The following HSF5 variants were observed in gnomAD, a reference collection of about 807,000 sequenced individuals.
The protein encoded by HSF5 is heat shock transcription factor 5.
Under a neutral mutation model 50.8 loss-of-function variants are expected in HSF5, and 5 were observed. That is an observed-to-expected ratio of 0.10 (90% confidence interval 0.05 to 0.21). The LOEUF is 0.21. Among genes scored for constraint, HSF5 ranks in the 10% least tolerant of loss-of-function variants. The pLI, the probability that HSF5 is intolerant of heterozygous loss-of-function variation, is 1.00. For synonymous variants in HSF5, 307 were observed against 307.4 expected (o/e 1.00, Z 0.02); for missense variants, 564 against 762.6 (o/e 0.74, Z 3.07).
chr17:58,451,388 T>G (rs1223090020), intron 5 of HSF5, among the ~76,000 whole-genome samples: 1 of 152,186 alleles, frequency 6.6e-6, no homozygotes, highest in African/African-American at 2.4e-5. Flanking sequence ...AGAATATATG[T>G]TCTTCTCAAC....
At chr17:58,430,373 G>C (rs186460945) in intron 5 of HSF5, among the ~76,000 whole-genome samples, 12 of 152,170 alleles carry the variant, frequency 7.9e-5, no homozygotes, top group Admixed American at 2.0e-4. Context: ...TACCTGGCCT[G>C]GTAAAGCATT....
Position 58,421,970 on chromosome 17 carries a change from T to A in HSF5, c.*390A>T, listed in dbSNP as rs575583682. On this transcript the variant is annotated 3_prime_UTR_variant, in exon 6 of 6. Transcript: ENST00000323777. ...TGTGACTTGAATCAGAGAGACTGAA[T>A]TCCCCACTAAAGTTGTGCTGACTAC... is the stretch of plus-strand genomic sequence containing the variant. 1.8e-5 allele frequency: 3 copies of A among 164,146 alleles called. No homozygotes were observed. The highest frequency in any genetic ancestry group is 4.0e-5 in the Non-Finnish European group (3 of 74,848). The allele number at this position is 164,146 out of a possible 1,614,324, so 10.2% of individuals were successfully genotyped here. A position where few individuals can be genotyped will look rare whatever the true frequency, so the allele number is the denominator to read the frequency against.
Position 58,485,370 on chromosome 17 carries a change from T to A in HSF5, c.550+2355A>T, listed in dbSNP as rs1975155526. 2.0e-5 allele frequency among the ~76,000 whole-genome samples: 3 copies of A among 152,310 alleles called. No individual in the cohort carries two copies. In the South Asian group the frequency reaches 6.2e-4, roughly 32 times the overall value. The stretch of plus-strand genomic sequence containing the variant: ...CCCTGTTGGTTTCTTGGTATACTGC[T>A]TCATATCATGGACTCTTTAAACAGA... On this transcript the variant is annotated intron_variant, in intron 1 of 5. Transcript: ENST00000323777.
chr17:58,444,712 G>GA (rs1974536944), intron 5 of HSF5, among the ~76,000 whole-genome samples: 2 of 152,108 alleles, frequency 1.3e-5, no homozygotes, highest in East Asian at 1.9e-4. Flanking sequence ...ACAAGGAAAA[G>GA]AAAAAACAGC....
intron 5 of HSF5, among the ~76,000 whole-genome samples, chr17:58,447,932 T>G (rs1317277775): frequency 6.6e-6 from 1 of 152,248 alleles, no homozygotes; most frequent in Admixed American, 6.5e-5. Flanking sequence ...GCAGATCACA[T>G]GAGCCCAGGA....
Position 58,480,180 on chromosome 17 carries a change from T to G in HSF5, c.638A>C (p.His213Pro), listed in dbSNP as rs753017972. The G allele has an allele frequency of 1.2e-5, 20 of 1,614,076 alleles. No homozygotes were observed. The highest frequency in any genetic ancestry group is 1.6e-5 in the Non-Finnish European group (19 of 1,180,046). Residue 213 changes from histidine to proline, a missense_variant, in exon 2 of 6, where the codon CAC becomes CCC. His to Pro is a moderately conservative substitution (Grantham distance 77, BLOSUM62 -2). This residue lies in a region of HSF5 where 441 missense variants were observed against 533.6 expected (regional missense o/e 0.83). Coordinates refer to ENST00000323777, the MANE Select transcript of HSF5 (RefSeq NM_001080439.3). ...YSCVSTPSHD[H>P]STYPLKGLDR... ...TAAACCTTTCAGAGGGTAAGTACTG[T>G]GGTCGTGGGATGGAGTTGATACACA...
chr17:58,435,355 C>A lies in HSF5; in HGVS notation c.1721-12925G>T, dbSNP rs183933158. Among the ~76,000 whole-genome samples, 556 of 151,164 alleles carry A rather than the reference C, an allele frequency of 3.7e-3. 3 individuals are homozygous for A. Among genetic ancestry groups the A allele is most frequent in the Non-Finnish European group, 5.2e-3 (355 of 67,822 alleles). On this transcript the variant is annotated intron_variant, in intron 5 of 5. Coordinates refer to ENST00000323777, the MANE Select transcript of HSF5 (RefSeq NM_001080439.3). ...CCTGAGGTCAGGAGTTCAAGACCAACCTGGCCAACATGGCAAGACCCCATC... is the reference window on the plus strand; with the variant it reads ...CCTGAGGTCAGGAGTTCAAGACCAAACTGGCCAACATGGCAAGACCCCATC...
At chr17:58,481,771 A>T (rs952529971) in intron 1 of HSF5, among the ~76,000 whole-genome samples, 1 of 152,172 alleles carries the variant, frequency 6.6e-6, no homozygotes, top group African/African-American at 2.4e-5. Context: ...AGGCCAAGGC[A>T]GGCAGATCAC....
chr17:58,455,922 G>A (rs1177576222), intron 5 of HSF5, among the ~76,000 whole-genome samples: 2 of 152,024 alleles, frequency 1.3e-5, no homozygotes, highest in African/African-American at 4.8e-5. Flanking sequence ...AAAACAGTAT[G>A]AAGGTTCTTA....
rs193009418 is a variant in HSF5 at position 58,485,174 on chromosome 17, C to T, written c.550+2551G>A. ...TTCACCATGTTGGCCAGGATGGTCT[C>T]GATCTCTTGACCTTGTGATCCGCCT... On this transcript the variant is annotated intron_variant, in intron 1 of 5. Coordinates refer to ENST00000323777, the MANE Select transcript of HSF5 (RefSeq NM_001080439.3). Among the ~76,000 whole-genome samples the T allele has an allele frequency of 7.2e-4, 109 of 151,816 alleles. 1 individual carries two copies. In the East Asian group the frequency reaches 0.021, roughly 29 times the overall value.
chr17:58,442,076 A>G (rs1974505859), intron 5 of HSF5, among the ~76,000 whole-genome samples: 1 of 152,162 alleles, frequency 6.6e-6, no homozygotes, highest in South Asian at 2.1e-4. Flanking sequence ...GGTCTTTGGC[A>G]TTGTCTCTCT....
chr17:58,427,096 T>C (rs1974306118), intron 5 of HSF5, among the ~76,000 whole-genome samples: 1 of 151,608 alleles, frequency 6.6e-6, no homozygotes, highest in African/African-American at 2.4e-5. Flanking sequence ...TATAAAAAAA[T>C]AAAAATAAAT....
chr17:58,484,154 C>T (rs920245945), intron 1 of HSF5, among the ~76,000 whole-genome samples: 1 of 149,946 alleles, frequency 6.7e-6, no homozygotes, highest in Non-Finnish European at 1.5e-5. Flanking sequence ...ATGGTATAGA[C>T]AGTCCACACC....
intron 5 of HSF5, among the ~76,000 whole-genome samples, chr17:58,424,770 A>G (rs557410097): frequency 2.6e-5 from 4 of 152,184 alleles, no homozygotes; most frequent in Non-Finnish European, 5.9e-5. Flanking sequence ...TGGGTGACAG[A>G]GCAAAACCCT....
At chr17:58,424,387 CA>C (rs34846307) in intron 5 of HSF5, among the ~76,000 whole-genome samples, 22,480 of 151,768 alleles carry the variant, frequency 0.15, 2,023 homozygotes, top group Middle Eastern at 0.21. Context: ...CCGAGGCAGG[CA>C]GATCACAAGG....
At position 58,466,921 on chromosome 17, in the gene HSF5, G is replaced by C; in HGVS notation, c.984C>G (p.Pro328=). Residue 328 remains proline, a synonymous_variant, in exon 3 of 6, where the codon CCC becomes CCG. Transcript: ENST00000323777. ...HMDALSSCVT[P]TASSYAHCNY... is the part of the protein sequence containing the mutation. ...TGCAGTGTGCATAGGAAGAGGCAGT[G>C]GGAGTGACACAACTACTTAGAGCAT... The C allele has an allele frequency of 6.2e-7, 1 of 1,610,502 alleles. No individual in the cohort carries two copies. Among genetic ancestry groups the C allele is most frequent in the Non-Finnish European group, 8.5e-7 (1 of 1,176,750 alleles).
Position 58,480,245 on chromosome 17 carries a change from A to C in HSF5, c.573T>G (p.Phe191Leu). Residue 191 changes from phenylalanine (F) to leucine (L), a missense_variant, in exon 2 of 6, where the codon TTT becomes TTG. Transcript: ENST00000323777. Reference sequence around the variant, plus strand: ...AACTATCTCGACGAAATGACCGGTGAAATTGTCCTACAGCCACTGGTCCTA... The same window carrying C: ...AACTATCTCGACGAAATGACCGGTGCAATTGTCCTACAGCCACTGGTCCTA... ...EPHGPVAVGQ[F>L]HRSFRRDSLS... 6.2e-7 allele frequency: 1 copy of C among 1,611,368 alleles called. No individual in the cohort carries two copies. The highest frequency in any genetic ancestry group is 1.1e-5 in the South Asian group (1 of 90,818).
intron 4 of HSF5, among the ~76,000 whole-genome samples, chr17:58,460,898 C>T (rs1974785987): frequency 6.6e-6 from 1 of 150,688 alleles, no homozygotes; most frequent in Non-Finnish European, 1.5e-5. Context: ...GGAACAAAGA[C>T]AAATTCTGTG....
chr17:58,488,289 G>A lies in HSF5; in HGVS notation c.-15C>T. The A allele has an allele frequency of 1.4e-6, 2 of 1,459,268 alleles. No homozygotes were observed. The highest frequency in any genetic ancestry group is 3.0e-5 in the African/African-American group (2 of 67,450). The allele number at this position is 1,459,268 out of a possible 1,614,324, so 90.4% of individuals were successfully genotyped here. ...AGCGCCTCCATCGCCCCGCCGGGCC[G>A]GGGCCTCGCCCCCCGAGCCTAGCTC... On this transcript the variant is annotated 5_prime_UTR_variant, in exon 1 of 6. Coordinates refer to ENST00000323777, the MANE Select transcript of HSF5 (RefSeq NM_001080439.3). This position sits in a 1 kb window ranked among gnomAD's most constrained non-coding sequence, Gnocchi z 4.1.
Sources: allele counts gnomAD v4.1 joint callset (sites outside exome capture counted in the v4.1 genomes callset), GRCh38; gene constraint gnomAD v4.1.1; regional missense constraint gnomAD v4.1.1; non-coding constraint Gnocchi (gnomAD v3.1); transcripts MANE v1.5; gene names NCBI Gene and HGNC (gene_info 2026-07-23, HGNC 2026-07-21).